Variants in USP37 observed in about 807,000 individuals in gnomAD.
The protein encoded by USP37 is ubiquitin specific peptidase 37, also known as ubiquitin carboxyl-terminal hydrolase 37.
Under a neutral mutation model 124.0 loss-of-function variants are expected in USP37, and 27 were observed. The observed-to-expected ratio is 0.22, with a 90% CI of 0.16 to 0.30. The LOEUF is 0.30. Among genes scored for constraint, USP37 ranks in the 10% least tolerant of loss-of-function variants. The pLI is 1.00. For missense variants in USP37, 889 were observed against 1,140.4 expected (o/e 0.78, Z 3.17); for synonymous variants, 365 against 388.0 (o/e 0.94, Z 0.70).
intron 23 of USP37, among the ~76,000 whole-genome samples, chr2:218,458,264 A>AC (rs1465487159): frequency 4.9e-5 from 7 of 143,830 alleles, no homozygotes; most frequent in Non-Finnish European, 1.1e-4. Flanking sequence ...AAAAAAAAAA[A>AC]AAAAAAAAAA....
chr2:218,513,310 C>T lies in USP37; in HGVS notation c.864-3170G>A, dbSNP rs549983143. On this transcript the variant is annotated intron_variant, in intron 10 of 25. Coordinates refer to ENST00000258399, the MANE Select transcript of USP37 (RefSeq NM_020935.3). Reference sequence around the variant, plus strand: ...CCTCTCCAAGTGCTACGATTACAGGCGTGAGCCAACCATGCCCAGTCTAGA... The same window carrying T: ...CCTCTCCAAGTGCTACGATTACAGGTGTGAGCCAACCATGCCCAGTCTAGA... Among the ~76,000 whole-genome samples, 218 of 152,242 alleles carry T rather than the reference C, an allele frequency of 1.4e-3. 1 individual carries two copies. Among genetic ancestry groups the T allele is most frequent in the Middle Eastern group, 6.8e-3 (2 of 294 alleles).
In USP37 at chr2:218,466,054, C is replaced by T; in HGVS notation, c.2422G>A (p.Glu808Lys). 6.2e-7 allele frequency: 1 copy of T among 1,612,794 alleles called. No homozygotes were observed. Among genetic ancestry groups the T allele is most frequent in the Non-Finnish European group, 8.5e-7 (1 of 1,179,732 alleles). Reference sequence around the variant, plus strand: ...GCCAGTGCCTGCTGAAGCTCTTGCTCTTCCCTTTCACGCTCCATATCATAC... The same window carrying T: ...GCCAGTGCCTGCTGAAGCTCTTGCTTTTCCCTTTCACGCTCCATATCATAC... ...QQYDMERERE[E>K]QELQQALAQS... is the part of the protein sequence containing the mutation. Residue 808 changes from glutamate (E) to lysine (K), a missense_variant, in exon 21 of 26, where the codon GAG becomes AAG. Physicochemically the swap from Glu to Lys is moderately conservative, Grantham distance 56. Around this residue, in one of 3 missense-constraint regions of USP37, gnomAD observed 504 missense variants for 714.3 expected, o/e 0.71. Transcript: ENST00000258399.
At position 218,495,924 on chromosome 2, in the gene USP37, A is replaced by G; in HGVS notation, c.1308T>C (p.Cys436=). ...QNDAHEFLSQ[C]LDQLKEDMEK... ...CCATATCTTCTTTCAGCTGGTCCAA[A>G]CACTGACTTAAAAATTCATGAGCAT... is the stretch of plus-strand genomic sequence containing the variant. Residue 436 remains cysteine, a synonymous_variant, in exon 14 of 26, where the codon TGT becomes TGC. Transcript: ENST00000258399. 6.2e-7 allele frequency: 1 copy of G among 1,610,630 alleles called. No homozygotes were observed. Among genetic ancestry groups the G allele is most frequent in the Non-Finnish European group, 8.5e-7 (1 of 1,179,302 alleles).
At chr2:218,555,076 T>C (rs1304003130) in intron 4 of USP37, among the ~76,000 whole-genome samples, 1 of 152,242 alleles carries the variant, frequency 6.6e-6, no homozygotes, top group East Asian at 1.9e-4. Context: ...AAATGTGCTA[T>C]GAAGCGATAA....
intron 6 of USP37, 117 bp from the exon 7 acceptor site, chr2:218,547,208 A>G: frequency 1.8e-6 from 2 of 1,083,504 alleles, no homozygotes; most frequent in Non-Finnish European, 2.6e-6. Context: ...GCGATGGCTC[A>G]TGCCTGTAAT....
In USP37 at chr2:218,539,324, A is replaced by G. The variant is rs369831435; in HGVS notation, c.681-4618T>C. 8.5e-5 allele frequency among the ~76,000 whole-genome samples: 13 copies of G among 152,296 alleles called. No individual in the cohort carries two copies. The East Asian group carries it at 2.5e-3, about 29-fold the overall frequency. ...GCTGCACTTTTGCAGTTTGAGGTGC[A>G]ACACAAAAAGTAACATACATTTTTG... is the stretch of plus-strand genomic sequence containing the variant. On this transcript the variant is annotated intron_variant, in intron 8 of 25. Transcript: ENST00000258399.
intron 23 of USP37, 120 bp downstream of exon 23, chr2:218,459,670 T>C: frequency 1.5e-6 from 1 of 666,272 alleles, no homozygotes; most frequent in Non-Finnish European, 2.6e-6. Context: ...GACCATCTAA[T>C]GGCTACTGAA....
intron 5 of USP37, 21 bp downstream of exon 5, chr2:218,553,532 C>A (rs758694397): frequency 6.3e-7 from 1 of 1,597,182 alleles, no homozygotes; most frequent in African/African-American, 1.3e-5. Context: ...AACGTTAGAC[C>A]CTGGGGTGAT....
chr2:218,474,574 A>G, intron 20 of USP37, 56 bp downstream of exon 20: 9 of 1,592,218 alleles, frequency 5.7e-6, no homozygotes, highest in Non-Finnish European at 7.7e-6. Context: ...TGTCACTACA[A>G]AACTTTGAAA....
rs942372058 is a variant in USP37 at position 218,536,703 on chromosome 2, T to G, written c.681-1997A>C. On this transcript the variant is annotated intron_variant, in intron 8 of 25. Transcript: ENST00000258399. ...TCTCTGGGAGTACTTCCTTAGTAATTCACATGCACACTAATCTCCATTTCA... is the reference window on the plus strand; with the variant it reads ...TCTCTGGGAGTACTTCCTTAGTAATGCACATGCACACTAATCTCCATTTCA... Among the ~76,000 whole-genome samples the G allele has an allele frequency of 7.2e-5, 11 of 152,166 alleles. No homozygotes were observed. The East Asian group carries it at 2.1e-3, about 29-fold the overall frequency.
chr2:218,497,868 A>G lies in USP37; in HGVS notation c.1158-11T>C. 1 of 1,610,628 alleles carries G rather than the reference A, an allele frequency of 6.2e-7. No homozygotes were observed. The highest frequency in any genetic ancestry group is 1.1e-5 in the South Asian group (1 of 90,326). On this transcript the variant is annotated splice_polypyrimidine_tract_variant and intron_variant, in intron 12 of 25. Coordinates refer to ENST00000258399, the MANE Select transcript of USP37 (RefSeq NM_020935.3). ...AAGTGTGCAAAGCGTCTAGTAAAAC[A>G]AAAAACACAAAGTTAGCACGTTTTA... is the stretch of plus-strand genomic sequence containing the variant.
intron 6 of USP37, 83 bp from the exon 7 acceptor site, chr2:218,547,174 T>TA: frequency 6.9e-7 from 1 of 1,441,648 alleles, no homozygotes; most frequent in Non-Finnish European, 9.3e-7. Flanking sequence ...TGGAAAGGTT[T>TA]AAAAAATACA....
At chr2:218,494,172 A>G in intron 14 of USP37, among the ~76,000 whole-genome samples, 1 of 152,232 alleles carries the variant, frequency 6.6e-6, no homozygotes, top group East Asian at 1.9e-4. Flanking sequence ...TACTGATGCA[A>G]AACTGTCTTT....
rs376146983 is a variant in USP37 at position 218,496,741 on chromosome 2, A to C, written c.1282-791T>G. On this transcript the variant is annotated intron_variant, in intron 13 of 25. Coordinates refer to ENST00000258399, the MANE Select transcript of USP37 (RefSeq NM_020935.3). ...TCGGCTCACTGCAACCTCTGCCTCC[A>C]GGGTTCAACCGATTATCCTGCATCA... Among the ~76,000 whole-genome samples the C allele has an allele frequency of 5.6e-4, 85 of 151,648 alleles. 1 individual carries two copies. In the South Asian group the frequency reaches 0.018, roughly 31 times the overall value.
In USP37 at chr2:218,488,547, A is replaced by T. The variant is rs868424211; in HGVS notation, c.1473-126T>A. On this transcript the variant is annotated intron_variant, in intron 14 of 25. Transcript: ENST00000258399. Reference sequence around the variant, plus strand: ...CACACTATCACCAGGCATAAGAACTATATACATTTAAGACTTTTTCATGCT... The same window carrying T: ...CACACTATCACCAGGCATAAGAACTTTATACATTTAAGACTTTTTCATGCT... 2.7e-5 allele frequency: 16 copies of T among 595,414 alleles called. No homozygotes were observed. The Middle Eastern group carries it at 2.6e-3, about 95-fold the overall frequency. The allele number at this position is 595,414 out of a possible 1,614,324, so 36.9% of individuals were successfully genotyped here.
chr2:218,486,726 T>A (rs938550215), intron 15 of USP37, among the ~76,000 whole-genome samples: 13 of 152,112 alleles, frequency 8.5e-5, no homozygotes, highest in Non-Finnish European at 1.5e-4. Flanking sequence ...CCAGATTTTT[T>A]ATTTTTTTTA....
intron 11 of USP37, among the ~76,000 whole-genome samples, chr2:218,499,594 AT>A (rs1689261575): frequency 6.6e-6 from 1 of 152,158 alleles, no homozygotes; most frequent in African/African-American, 2.4e-5. Flanking sequence ...TCTTAATTCA[AT>A]TTTGTCAACA....
intron 8 of USP37, among the ~76,000 whole-genome samples, chr2:218,539,762 A>G (rs571795729): frequency 2.0e-5 from 3 of 152,096 alleles, no homozygotes; most frequent in Non-Finnish European, 4.4e-5. Flanking sequence ...CTGTAATCCC[A>G]GCACTTTGGG....
chr2:218,483,720 G>A (rs1266965258), intron 16 of USP37, among the ~76,000 whole-genome samples: 1 of 152,018 alleles, frequency 6.6e-6, no homozygotes, highest in African/African-American at 2.4e-5. Context: ...CAGCATGTGA[G>A]GTCAAAACTA....
Sources: allele counts gnomAD v4.1 joint callset (sites outside exome capture counted in the v4.1 genomes callset), GRCh38; gene constraint gnomAD v4.1.1; regional missense constraint gnomAD v4.1.1; transcripts MANE v1.5; gene names NCBI Gene and HGNC (gene_info 2026-07-23, HGNC 2026-07-21).